TMEM132B: variants seen among roughly 807,000 people sequenced by gnomAD.
TMEM132B encodes transmembrane protein 132B.
A neutral mutation model predicts 90.8 loss-of-function variants in TMEM132B; 18 were observed. The observed-to-expected ratio is 0.20, with a 90% CI of 0.14 to 0.29. The LOEUF (loss-of-function observed/expected upper bound fraction) is 0.29, where lower values mean the gene tolerates loss of function less well. Ranked by LOEUF, TMEM132B falls within the 10% of genes least tolerant of loss-of-function variation. The pLI is 1.00. For synonymous variants in TMEM132B, 504 were observed against 523.3 expected (o/e 0.96, Z 0.50); for missense variants, 1,096 against 1,326.8 (o/e 0.83, Z 2.70).
chr12:125,249,504 C>G (rs1874272577), intron 1 of TMEM132B, among the ~76,000 whole-genome samples: 1 of 152,160 alleles, frequency 6.6e-6, no homozygotes, highest in Non-Finnish European at 1.5e-5. Context: ...AGAATCCTCT[C>G]CCACAAAACC....
intron 3 of TMEM132B, among the ~76,000 whole-genome samples, chr12:125,494,354 G>A (rs1469270693): frequency 3.4e-5 from 1 of 29,528 alleles, no homozygotes; most frequent in Admixed American, 4.8e-4. Flanking sequence ...GCGTCCCTCC[G>A]CCCCCTCCTC....
chr12:125,441,316 G>A (rs1482066225), intron 3 of TMEM132B, among the ~76,000 whole-genome samples: 1 of 152,160 alleles, frequency 6.6e-6, no homozygotes, highest in Admixed American at 6.5e-5. Flanking sequence ...ACATTTCTTT[G>A]TAACAAAGAA....
At position 125,576,804 on chromosome 12, in the gene TMEM132B, C is replaced by T. The variant is rs116029437; in HGVS notation, c.1294-7047C>T. ...TTCATATGTTGAACCAATCCTGCAT[C>T]CCTGGGATAATTCCCACTTGTTATG... On this transcript the variant is annotated intron_variant, in intron 4 of 8. Coordinates refer to ENST00000682704, the MANE Select transcript of TMEM132B (RefSeq NM_001366854.1). 5.6e-3 allele frequency among the ~76,000 whole-genome samples: 855 copies of T among 151,980 alleles called. 9 individuals are homozygous for T. The highest frequency in any genetic ancestry group is 0.017 in the African/African-American group (715 of 41,498).
chr12:125,483,039 G>C (rs1167189587), intron 3 of TMEM132B, among the ~76,000 whole-genome samples: 2 of 132,488 alleles, frequency 1.5e-5, no homozygotes, highest in Non-Finnish European at 3.1e-5. Context: ...GGTGGGAATT[G>C]AACAATGAGA....
intron 2 of TMEM132B, among the ~76,000 whole-genome samples, chr12:125,389,822 C>T (rs1341430061): frequency 1.3e-5 from 2 of 152,214 alleles, no homozygotes; most frequent in Non-Finnish European, 2.9e-5. Flanking sequence ...GAGGCCTGAT[C>T]TCATAGCCCT....
At chr12:125,397,353 T>C (rs1452190301) in intron 2 of TMEM132B, among the ~76,000 whole-genome samples, 1 of 152,166 alleles carries the variant, frequency 6.6e-6, no homozygotes, top group Non-Finnish European at 1.5e-5. Flanking sequence ...ACTTGGCAAA[T>C]AGACCTTAAA....
At chr12:125,322,642 G>T (rs1442119290) in intron 1 of TMEM132B, among the ~76,000 whole-genome samples, 2 of 151,906 alleles carry the variant, frequency 1.3e-5, no homozygotes, top group African/African-American at 2.4e-5. Flanking sequence ...ACTTTAATTG[G>T]GTACGTTTTA....
intron 1 of TMEM132B, among the ~76,000 whole-genome samples, chr12:125,240,997 G>A (rs76501230): frequency 6.6e-6 from 1 of 152,184 alleles, no homozygotes; most frequent in Admixed American, 6.5e-5. Flanking sequence ...GGTGGTGGGC[G>A]GGGGTAGGGC....
chr12:125,563,598 C>CAAACAAACAAAAAA (rs774597550), intron 4 of TMEM132B, among the ~76,000 whole-genome samples: 12 of 150,180 alleles, frequency 8.0e-5, no homozygotes, highest in Admixed American at 7.3e-4. Flanking sequence ...AACAAACAAA[C>CAAACAAACAAAAAA]AAAAAAAAAC....
chr12:125,578,398 G>T (rs1434947014), intron 4 of TMEM132B, among the ~76,000 whole-genome samples: 1 of 152,152 alleles, frequency 6.6e-6, no homozygotes, highest in East Asian at 1.9e-4. Flanking sequence ...TCTGCAAGAT[G>T]TGTGTCCATG....
chr12:125,330,088 T>G (rs879543424), intron 1 of TMEM132B, among the ~76,000 whole-genome samples: 7 of 152,154 alleles, frequency 4.6e-5, no homozygotes, highest in Non-Finnish European at 1.0e-4. Flanking sequence ...AACCCAGGTG[T>G]TGCTCTGGGT....
At chr12:125,273,281 C>A (rs1442517989) in intron 1 of TMEM132B, among the ~76,000 whole-genome samples, 2 of 152,086 alleles carry the variant, frequency 1.3e-5, no homozygotes, top group African/African-American at 4.8e-5. Flanking sequence ...TACCCATGTA[C>A]CTACTACTTA....
intron 3 of TMEM132B, among the ~76,000 whole-genome samples, chr12:125,450,394 A>T (rs1301820670): frequency 6.6e-6 from 1 of 152,252 alleles, no homozygotes; most frequent in Admixed American, 6.5e-5. Context: ...ATATGGAAGA[A>T]TTTGAGCACC....
chr12:125,653,107 C>T (rs141723337), intron 8 of TMEM132B, among the ~76,000 whole-genome samples: 29 of 152,336 alleles, frequency 1.9e-4, no homozygotes, highest in Admixed American at 8.5e-4. Flanking sequence ...CTGTACCATT[C>T]AAGCCAGCCA....
rs1555234600 is a variant in TMEM132B at position 125,260,922 on chromosome 12, T to TTGCGTG, written c.67+74058_67+74059insCGTGTG. Reference sequence around the variant, plus strand: ...CAGAGCGAGACCCTGTCTCTACAGATTGTGTGTGTGTGTGTGTGTGTGTGT... The same window carrying TTGCGTG: ...CAGAGCGAGACCCTGTCTCTACAGATTGCGTGTGTGTGTGTGTGTGTGTGTGTGTGT... On this transcript the variant is annotated intron_variant, in intron 1 of 8. Coordinates refer to ENST00000682704, the MANE Select transcript of TMEM132B (RefSeq NM_001366854.1). Among the ~76,000 whole-genome samples the TTGCGTG allele has an allele frequency of 9.4e-5, 14 of 148,252 alleles. No individual in the cohort carries two copies. In the South Asian group the frequency reaches 3.0e-3, roughly 32 times the overall value.
In TMEM132B at chr12:125,624,644, CCTATA is replaced by C. The variant is rs527959996; in HGVS notation, c.1438-19427_1438-19423del. Among the ~76,000 whole-genome samples the C allele has an allele frequency of 9.0e-4, 137 of 152,216 alleles. 2 individuals carry two copies. The South Asian group carries it at 0.02, about 22-fold the overall frequency. On this transcript the variant is annotated intron_variant, in intron 5 of 8. Transcript: ENST00000682704. ...CTAAAATAATCTTTAAAAGCATCAT[CCTATA>C]CTATTGACAGTAGACTGAAAAATTG...
intron 3 of TMEM132B, among the ~76,000 whole-genome samples, chr12:125,463,783 A>T (rs1414601838): frequency 6.6e-6 from 1 of 152,192 alleles, no homozygotes; most frequent in African/African-American, 2.4e-5. Flanking sequence ...CCATTTTCAC[A>T]CTGCTATAAA....
rs542932764 is a variant in TMEM132B, at chr12:125,651,012, G to T, written c.1914+59G>T. On this transcript the variant is annotated intron_variant, in intron 7 of 8. Transcript: ENST00000682704. ...TGTGTTGATGAGTGGCCAGGTAGAT[G>T]CTGTTGTGCAGATGTGTGTCTGTGT... The T allele has an allele frequency of 1.9e-5, 31 of 1,590,908 alleles. 1 individual carries two copies. The Admixed American group carries it at 2.9e-4, about 15-fold the overall frequency.
At position 125,415,991 on chromosome 12, in the gene TMEM132B, C is replaced by T. The variant is rs565037712; in HGVS notation, c.1106+314C>T. Among the ~76,000 whole-genome samples, 2 of 152,024 alleles carry T rather than the reference C, an allele frequency of 1.3e-5. No homozygotes were observed. Among genetic ancestry groups the T allele is most frequent in the African/African-American group, 4.8e-5 (2 of 41,370 alleles). ...AAAATATACTTAGTAATGAGCAAAC[C>T]GAGGGTAGCTTTAGCTATTGGACAT... On this transcript the variant is annotated intron_variant, in intron 3 of 8. Transcript: ENST00000682704. This position sits in a 1 kb window ranked among gnomAD's most constrained non-coding sequence, Gnocchi z 5.3.
Sources: allele counts gnomAD v4.1 joint callset (sites outside exome capture counted in the v4.1 genomes callset), GRCh38; gene constraint gnomAD v4.1.1; non-coding constraint Gnocchi (gnomAD v3.1); transcripts MANE v1.5; gene names NCBI Gene and HGNC (gene_info 2026-07-23, HGNC 2026-07-21).